TBXT: variants seen among roughly 807,000 people sequenced by gnomAD.
TBXT encodes the protein T-box transcription factor T, also known as T brachyury transcription factor.
TBXT carries 19 observed loss-of-function variants against 41.1 expected under a neutral mutation model. The observed-to-expected ratio is 0.46, with a 90% CI of 0.32 to 0.68. The LOEUF (loss-of-function observed/expected upper bound fraction) is 0.68, where lower values mean the gene tolerates loss of function less well. TBXT is among the 30% of genes least tolerant of loss of function. TBXT has a pLI of 0.03. For missense variants in TBXT, 536 were observed against 582.0 expected, an observed-to-expected ratio of 0.92 and a Z score of 0.81; for synonymous variants, 213 against 238.9, an observed-to-expected ratio of 0.89 and a Z score of 1.00.
chr6:166,162,371 C>T, intron 6 of TBXT, 76 bp downstream of exon 6: 1 of 1,541,584 alleles, frequency 6.5e-7, no homozygotes, highest in Non-Finnish European at 9.0e-7. Context: ...AGATTCTAGA[C>T]TCCTGCAGAA....
chr6:166,164,477 C>T, intron 5 of TBXT, 128 bp downstream of exon 5: 1 of 1,145,066 alleles, frequency 8.7e-7, no homozygotes, highest in South Asian at 1.2e-5. Context: ...CCTCGCATGG[C>T]AAAAAGGCAA....
At chr6:166,161,854 C>T (rs1212016785) in intron 6 of TBXT, among the ~76,000 whole-genome samples, 4 of 152,232 alleles carry the variant, frequency 2.6e-5, no homozygotes, top group African/African-American at 7.2e-5. Context: ...ACCCGAGAGG[C>T]GGAGCTTGCA....
At position 166,164,652 on chromosome 6, in the gene TBXT, T is replaced by C. The variant is rs1779059416; in HGVS notation, c.683A>G (p.Glu228Gly). Residue 228 changes from glutamate to glycine, a missense_variant, in exon 5 of 8, where the codon GAG (glutamate) becomes GGG (glycine). Coordinates refer to ENST00000366876, the MANE Select transcript of TBXT (RefSeq NM_001366285.2). ...GCTGTCTCCGGGTTCCTCCATCATC[T>C]CTTTGTGATCACTTCTATCAAAATG... ...LDAKERSDHK[E>G]MMEEPGDSQQ... is the part of the protein sequence containing the mutation. 6.2e-7 allele frequency: 1 copy of C among 1,614,022 alleles called. No homozygotes were observed. Among genetic ancestry groups the C allele is most frequent in the Non-Finnish European group, 8.5e-7 (1 of 1,180,018 alleles).
chr6:166,162,814 G>T (rs187296813), intron 5 of TBXT, among the ~76,000 whole-genome samples, 191 bp from the exon 6 acceptor site: 1 of 150,558 alleles, frequency 6.6e-6, no homozygotes, highest in African/African-American at 2.5e-5. Flanking sequence ...AGAGAGCAGA[G>T]CCCAGGCCAG....
chr6:166,158,411 C>T lies in TBXT; in HGVS notation c.1215G>A (p.Ala405=), dbSNP rs1354467782. Residue 405 remains alanine, a synonymous_variant, in exon 8 of 8, where the codon GCG becomes GCA. Coordinates refer to ENST00000366876, the MANE Select transcript of TBXT (RefSeq NM_001366285.2). The part of the protein sequence containing the change: ...SSSGSPLYEG[A]AAATDIVDSQ... Reference sequence around the variant, plus strand: ...TGTCCACGATGTCTGTGGCCGCGGCCGCCCCTTCGTACAGTGGGGATCCCG... The same window carrying T: ...TGTCCACGATGTCTGTGGCCGCGGCTGCCCCTTCGTACAGTGGGGATCCCG... The T allele has an allele frequency of 1.3e-5, 21 of 1,614,078 alleles. No individual in the cohort carries two copies. Among genetic ancestry groups the T allele is most frequent in the African/African-American group, 2.7e-5 (2 of 74,948 alleles).
At chr6:166,166,497 G>T (rs922360002) in intron 2 of TBXT, 95 bp downstream of exon 2, 24 of 1,593,008 alleles carry the variant, frequency 1.5e-5, no homozygotes, top group Non-Finnish European at 2.1e-5. Context: ...GTCGCCTCCC[G>T]TTCAAGCAGC....
chr6:166,161,987 G>A (rs1486510709), intron 6 of TBXT, among the ~76,000 whole-genome samples: 1 of 152,240 alleles, frequency 6.6e-6, no homozygotes, highest in Non-Finnish European at 1.5e-5. Context: ...GGTGGGGCCT[G>A]AGACTGTGCC....
intron 7 of TBXT, among the ~76,000 whole-genome samples, chr6:166,160,477 A>G (rs1400946015): frequency 6.6e-6 from 1 of 152,120 alleles, no homozygotes; most frequent in Non-Finnish European, 1.5e-5. Context: ...TTCCTTTTAT[A>G]TGTGAGGAAA....
At chr6:166,161,416 C>G (rs1414746296) in intron 6 of TBXT, among the ~76,000 whole-genome samples, 1 of 152,232 alleles carries the variant, frequency 6.6e-6, no homozygotes, top group African/African-American at 2.4e-5. Flanking sequence ...GTCCCAGTGA[C>G]TTCCTAACCC....
At position 166,158,392 on chromosome 6, in the gene TBXT, C is replaced by A; in HGVS notation, c.1234G>T (p.Val412Leu). 1 of 1,614,214 alleles carries A rather than the reference C, an allele frequency of 6.2e-7. No individual in the cohort carries two copies. Among genetic ancestry groups the A allele is most frequent in the Non-Finnish European group, 8.5e-7 (1 of 1,180,036 alleles). The change falls in exon 8 of 8, where the codon GTG becomes TTG. Residue 412 changes from valine (V) to leucine (L), a missense_variant. Transcript: ENST00000366876. ...GCTGCGGCGTCGTACTGGCTGTCCA[C>A]GATGTCTGTGGCCGCGGCCGCCCCT... ...YEGAAAATDI[V>L]DSQYDAAAQG...
chr6:166,167,634 C>A lies in TBXT; in HGVS notation c.-43G>T. On this transcript the variant is annotated 5_prime_UTR_variant, in exon 1 of 8. Coordinates refer to ENST00000366876, the MANE Select transcript of TBXT (RefSeq NM_001366285.2). ...CTCCCCGCCGTCCCCGAAGCCCAGA[C>A]TCGCTACCTGAGATCCACCTTCCCT... 1 of 1,538,086 alleles carries A rather than the reference C, an allele frequency of 6.5e-7. No individual in the cohort carries two copies. Among genetic ancestry groups the A allele is most frequent in the African/African-American group, 1.4e-5 (1 of 73,168 alleles).
chr6:166,167,687 A>C lies in TBXT; in HGVS notation c.-96T>G. On this transcript the variant is annotated 5_prime_UTR_variant, in exon 1 of 8. Transcript: ENST00000366876. ...TCTTGGCCGCCGCCCTTCCGAGAAA[A>C]GGGGCCCCTTGGACCGAGACCTGCG... is the stretch of plus-strand genomic sequence containing the variant. 3 of 1,500,928 alleles carry C rather than the reference A, an allele frequency of 2.0e-6. No homozygotes were observed. Among genetic ancestry groups the C allele is most frequent in the Non-Finnish European group, 2.7e-6 (3 of 1,117,772 alleles). 93.0% of individuals were successfully genotyped at this position (1,500,928 alleles called of 1,614,324 possible).
chr6:166,166,795 A>T lies in TBXT; in HGVS notation c.268T>A (p.Phe90Ile). 6.2e-7 allele frequency: 1 copy of T among 1,613,940 alleles called. No individual in the cohort carries two copies. The highest frequency in any genetic ancestry group is 8.5e-7 in the Non-Finnish European group (1 of 1,180,044). The change falls in exon 2 of 8, where the codon TTC becomes ATC. Residue 90 changes from phenylalanine to isoleucine, a missense_variant. By Grantham distance (21) the Phe-to-Ile change is conservative. Coordinates refer to ENST00000366876, the MANE Select transcript of TBXT (RefSeq NM_001366285.2). ...TCCGCCGCCACGAAGTCCAGCAGGA[A>T]GGAGTACATGGCGTTGGGGTCCAGG... ...SGLDPNAMYS[F>I]LLDFVAADNH... is the part of the protein sequence containing the mutation.
intron 2 of TBXT, 88 bp from the exon 3 acceptor site, chr6:166,165,928 T>C: frequency 6.3e-7 from 1 of 1,589,340 alleles, no homozygotes; most frequent in Middle Eastern, 1.7e-4. Context: ...CAGAAAGTCC[T>C]CTGGATCCCA....
Position 166,158,160 on chromosome 6 carries a change from C to T in TBXT, c.*155G>A, listed in dbSNP as rs1778838797. On this transcript the variant is annotated 3_prime_UTR_variant, in exon 8 of 8. Transcript: ENST00000366876. Reference sequence around the variant, plus strand: ...ATGCTGGGGCTCTGGGGAAAGGTGCCGTGTGCTCCTCCACTGCTTTGAAAA... The same window carrying T: ...ATGCTGGGGCTCTGGGGAAAGGTGCTGTGTGCTCCTCCACTGCTTTGAAAA... 10 of 1,155,372 alleles carry T rather than the reference C, an allele frequency of 8.7e-6. No homozygotes were observed. The highest frequency in any genetic ancestry group is 2.4e-5 in the East Asian group (1 of 41,810). 71.6% of individuals were successfully genotyped at this position (1,155,372 alleles called of 1,614,324 possible).
chr6:166,163,973 T>A (rs961925861), intron 5 of TBXT, among the ~76,000 whole-genome samples: 3 of 152,232 alleles, frequency 2.0e-5, no homozygotes, highest in African/African-American at 7.2e-5. Context: ...TCCAGCCTCT[T>A]GACCAGCCAG....
At position 166,165,621 on chromosome 6, in the gene TBXT, G is replaced by T. The variant is rs537288968; in HGVS notation, c.606+85C>A. ...CCTTCCTCTCAGTGCGGGTTAGCGC[G>T]TCTCCCCGCTCCTCCAGAATCTCCA... On this transcript the variant is annotated intron_variant, in intron 3 of 7. Coordinates refer to ENST00000366876, the MANE Select transcript of TBXT (RefSeq NM_001366285.2). 15 of 1,606,454 alleles carry T rather than the reference G, an allele frequency of 9.3e-6. 1 individual carries two copies. In the South Asian group the frequency reaches 1.5e-4, roughly 17 times the overall value.
intron 2 of TBXT, 97 bp downstream of exon 2, chr6:166,166,487 GTCGCCTCC>G: frequency 2.6e-6 from 4 of 1,564,718 alleles, no homozygotes; most frequent in Non-Finnish European, 3.5e-6. Context: ...CAGGGCAGAC[GTCGCCTCC>G]CGTTCAAGCA....
chr6:166,165,616 AGC>A, intron 3 of TBXT, 88 bp downstream of exon 3: 1 of 1,600,626 alleles, frequency 6.2e-7, no homozygotes, highest in Non-Finnish European at 8.5e-7. Context: ...AGTGCGGGTT[AGC>A]GCGTCTCCCC....
Sources: gnomAD v4.1 joint callset for allele counts (sites outside exome capture counted in the v4.1 genomes callset) on GRCh38, gnomAD v4.1.1 for gene constraint, MANE v1.5 for transcripts, NCBI Gene and HGNC (gene_info 2026-07-23, HGNC 2026-07-21) for gene names.